TNIK: variants seen among roughly 807,000 people sequenced by gnomAD.
TNIK encodes TRAF2 and NCK interacting kinase.
TNIK carries 49 observed loss-of-function variants against 191.3 expected under a neutral mutation model. The observed-to-expected ratio is 0.26, with a 90% confidence interval of 0.20 to 0.32. The LOEUF (loss-of-function observed/expected upper bound fraction) is 0.32, where lower values mean the gene tolerates loss of function less well. Ranked by LOEUF, TNIK falls within the 10% of genes least tolerant of loss-of-function variation. The pLI is 1.00. For missense variants in TNIK, 1,155 were observed against 1,702.3 expected, an observed-to-expected ratio of 0.68 and a Z score of 5.66; for synonymous variants, 594 against 600.9, an observed-to-expected ratio of 0.99 and a Z score of 0.17.
chr3:171,393,547 T>C (rs1719844057), intron 1 of TNIK, among the ~76,000 whole-genome samples: 1 of 152,204 alleles, frequency 6.6e-6, no homozygotes, highest in Non-Finnish European at 1.5e-5. Flanking sequence ...GCCAGTAGGT[T>C]CTCAAACACA....
At chr3:171,434,388 G>C (rs148359948) in intron 1 of TNIK, among the ~76,000 whole-genome samples, 105 of 152,036 alleles carry the variant, frequency 6.9e-4, no homozygotes, top group Non-Finnish European at 1.2e-3. Flanking sequence ...AAGTTTTTGA[G>C]GTATCATCTG....
Position 171,348,107 on chromosome 3 carries a change from C to T in TNIK, c.123+21513G>A, listed in dbSNP as rs796881236. On this transcript the variant is annotated intron_variant, in intron 2 of 32. Coordinates refer to ENST00000436636, the MANE Select transcript of TNIK (RefSeq NM_015028.4). ...GACAACAAGTAAATCCATTATAAAC[C>T]CAATTTCTTCTCTTGAGCACAAGTT... Among the ~76,000 whole-genome samples the T allele has an allele frequency of 2.6e-5, 4 of 152,144 alleles. No homozygotes were observed. The East Asian group carries it at 7.7e-4, about 29-fold the overall frequency.
intron 2 of TNIK, among the ~76,000 whole-genome samples, chr3:171,278,371 TGTG>T (rs1750021305): frequency 6.6e-6 from 1 of 152,180 alleles, no homozygotes; most frequent in Admixed American, 6.5e-5. Flanking sequence ...TGTTTCTCAA[TGTG>T]GATATGAGAA....
At chr3:171,253,472 C>T (rs1746478679) in intron 2 of TNIK, among the ~76,000 whole-genome samples, 1 of 151,792 alleles carries the variant, frequency 6.6e-6, no homozygotes, top group South Asian at 2.1e-4. Flanking sequence ...GTGATGAGGT[C>T]TCAACTTGCT....
rs1446519583 is a variant in TNIK, at chr3:171,342,171, T to C, written c.123+27449A>G. Among the ~76,000 whole-genome samples, 4 of 152,230 alleles carry C rather than the reference T, an allele frequency of 2.6e-5. No individual in the cohort carries two copies. In the East Asian group the frequency reaches 7.7e-4, roughly 29 times the overall value. On this transcript the variant is annotated intron_variant, in intron 2 of 32. Coordinates refer to ENST00000436636, the MANE Select transcript of TNIK (RefSeq NM_015028.4). Reference sequence around the variant, plus strand: ...TAAAGCTGTCAAACTTTAGTGTGCATGGGAATTACCTGGAGGGTTTGTTAC... The same window carrying C: ...TAAAGCTGTCAAACTTTAGTGTGCACGGGAATTACCTGGAGGGTTTGTTAC...
chr3:171,140,519 A>G lies in TNIK; in HGVS notation c.1222-10T>C. ...TCTCTCGCCTTTGTTGCTGTGGGGC[A>G]ACAAGCAGACAACCATGAAGGCAAC... On this transcript the variant is annotated splice_polypyrimidine_tract_variant and intron_variant, in intron 12 of 32. Transcript: ENST00000436636. 6.2e-7 allele frequency: 1 copy of G among 1,612,962 alleles called. No individual in the cohort carries two copies.
intron 2 of TNIK, among the ~76,000 whole-genome samples, chr3:171,316,231 G>A (rs1754582497): frequency 6.6e-6 from 1 of 152,082 alleles, no homozygotes; most frequent in African/African-American, 2.4e-5. Context: ...ACAAGATAAA[G>A]CTTTCAAGAA....
intron 2 of TNIK, among the ~76,000 whole-genome samples, chr3:171,357,222 TCAAA>T (rs1196926926): frequency 2.0e-5 from 3 of 152,158 alleles, no homozygotes; most frequent in East Asian, 3.8e-4. Flanking sequence ...ATTTATATAC[TCAAA>T]CAGTTGAGAT....
At chr3:171,307,287 G>A (rs564233269) in intron 2 of TNIK, among the ~76,000 whole-genome samples, 8 of 152,198 alleles carry the variant, frequency 5.3e-5, no homozygotes, top group African/African-American at 1.9e-4. Flanking sequence ...CCAGGCTCAG[G>A]ATCATCAAAT....
chr3:171,167,028 T>C (rs1471326609), intron 10 of TNIK, 67 bp downstream of exon 10: 35 of 1,535,758 alleles, frequency 2.3e-5, no homozygotes, highest in Non-Finnish European at 3.0e-5. Flanking sequence ...CACCTCCAAA[T>C]ACATCAAGCG....
intron 12 of TNIK, among the ~76,000 whole-genome samples, chr3:171,141,638 A>G (rs1730852019): frequency 6.6e-6 from 1 of 151,918 alleles, no homozygotes; most frequent in Non-Finnish European, 1.5e-5. Context: ...ATTTACCATG[A>G]GAGGCTAGTG....
chr3:171,375,290 T>C (rs1003007321), intron 1 of TNIK, among the ~76,000 whole-genome samples: 1 of 152,198 alleles, frequency 6.6e-6, no homozygotes, highest in Non-Finnish European at 1.5e-5. Flanking sequence ...ACAAAGAATA[T>C]GCCACAGTAA....
At chr3:171,458,323 C>G (rs1179389786) in intron 1 of TNIK, among the ~76,000 whole-genome samples, 5 of 152,132 alleles carry the variant, frequency 3.3e-5, no homozygotes, top group African/African-American at 1.2e-4. Flanking sequence ...ACCCTGTTAC[C>G]AACCCCACCC....
At chr3:171,386,403 A>G (rs1436735461) in intron 1 of TNIK, among the ~76,000 whole-genome samples, 1 of 152,206 alleles carries the variant, frequency 6.6e-6, no homozygotes, top group Non-Finnish European at 1.5e-5. Context: ...ATTAAACATG[A>G]ATAAGTTTGT....
At chr3:171,179,071 T>C (rs1736320940) in intron 7 of TNIK, among the ~76,000 whole-genome samples, 1 of 152,132 alleles carries the variant, frequency 6.6e-6, no homozygotes, top group African/African-American at 2.4e-5. Context: ...CTGGGGCACA[T>C]GTGTAACCTC....
Position 171,366,832 on chromosome 3 carries a change from C to T in TNIK, c.123+2788G>A, listed in dbSNP as rs865910739. On this transcript the variant is annotated intron_variant, in intron 2 of 32. Coordinates refer to ENST00000436636, the MANE Select transcript of TNIK (RefSeq NM_015028.4). The surrounding 1 kb of genome is among the most constrained non-coding windows in gnomAD (Gnocchi z 4.1). ...GGTGGAGATAATTGAATCATGGAGGCGGTTTCACCCATCCTGTTCTCATGA... is the reference window on the plus strand; with the variant it reads ...GGTGGAGATAATTGAATCATGGAGGTGGTTTCACCCATCCTGTTCTCATGA... Among the ~76,000 whole-genome samples the T allele has an allele frequency of 3.9e-5, 6 of 152,144 alleles. No individual in the cohort carries two copies. The highest frequency in any genetic ancestry group is 1.9e-4 in the East Asian group (1 of 5,198).
chr3:171,218,535 T>C (rs1031254515), intron 3 of TNIK, among the ~76,000 whole-genome samples: 1 of 151,682 alleles, frequency 6.6e-6, no homozygotes, highest in Admixed American at 6.6e-5. Context: ...GAGTTTTTTT[T>C]TTTTTTTCTG....
At chr3:171,128,595 T>C in intron 16 of TNIK, 119 bp downstream of exon 16, 1 of 1,276,258 alleles carries the variant, frequency 7.8e-7, no homozygotes, top group Non-Finnish European at 1.0e-6. Flanking sequence ...ATAAATTCTA[T>C]ATTAAGGGTC....
At chr3:171,177,299 G>T (rs754627197) in intron 8 of TNIK, 27 bp downstream of exon 8, 2 of 1,598,176 alleles carry the variant, frequency 1.3e-6, no homozygotes, top group Non-Finnish European at 1.7e-6. Context: ...ACCAGCAACA[G>T]ATTTCACCCC....
Sources: allele counts gnomAD v4.1 joint callset (sites outside exome capture counted in the v4.1 genomes callset), GRCh38; gene constraint gnomAD v4.1.1; non-coding constraint Gnocchi (gnomAD v3.1); transcripts MANE v1.5; gene names NCBI Gene and HGNC (gene_info 2026-07-23, HGNC 2026-07-21).